CC2D2B: variants seen among roughly 807,000 people sequenced by gnomAD.
The protein encoded by CC2D2B is protein CC2D2B.
A neutral mutation model predicts 161.2 loss-of-function variants in CC2D2B; 128 were observed. The observed-to-expected ratio is 0.79, with a 90% CI of 0.69 to 0.92. The LOEUF is 0.92. Ranked by LOEUF, CC2D2B falls within the 40% of genes least tolerant of loss-of-function variation. The pLI, the probability that CC2D2B is intolerant of heterozygous loss-of-function variation, is 0.00. For synonymous variants in CC2D2B, 391 were observed against 449.8 expected, an observed-to-expected ratio of 0.87 and a Z score of 1.65; for missense variants, 1,173 against 1,375.1, an observed-to-expected ratio of 0.85 and a Z score of 2.32.
chr10:96,019,133 T>A, intron 30 of CC2D2B, 70 bp from the exon 31 acceptor site: 1 of 1,298,628 alleles, frequency 7.7e-7, no homozygotes, highest in Non-Finnish European at 1.1e-6. Context: ...ATTAGAATCA[T>A]CACAGTATAA....
chr10:95,965,883 T>C lies in CC2D2B; in HGVS notation c.1251-13T>C. The C allele has an allele frequency of 9.4e-7, 1 of 1,068,544 alleles. No individual in the cohort carries two copies. The highest frequency in any genetic ancestry group is 1.2e-6 in the Non-Finnish European group (1 of 839,352). 66.2% of individuals were successfully genotyped at this position (1,068,544 alleles called of 1,614,324 possible). ...TATTTCTGCTTTCAATAATTCTGTT[T>C]ATTATTAATTAGGATTAAAATGAAT... On this transcript the variant is annotated splice_polypyrimidine_tract_variant and intron_variant, in intron 12 of 34. Coordinates refer to ENST00000646931, the MANE Select transcript of CC2D2B (RefSeq NM_001349008.3).
At position 95,972,134 on chromosome 10, in the gene CC2D2B, G is replaced by A; in HGVS notation, c.1713G>A (p.Glu571=). ...KLYIPLPNYT[E]LKGKTALQYV... The stretch of plus-strand genomic sequence containing the variant: ...ATATACCTTTACCTAACTACACAGA[G>A]CTGAAAGGCAAAACCGCTTTGCAAT... The change falls in exon 16 of 35, where the codon GAG becomes GAA. Residue 571 remains glutamate (E), a synonymous_variant. Coordinates refer to ENST00000646931, the MANE Select transcript of CC2D2B (RefSeq NM_001349008.3). The A allele has an allele frequency of 8.1e-7, 1 of 1,231,684 alleles. No homozygotes were observed. Among genetic ancestry groups the A allele is most frequent in the East Asian group, 3.2e-5 (1 of 31,702 alleles). 76.3% of individuals were successfully genotyped at this position (1,231,684 alleles called of 1,614,324 possible). A position where few individuals can be genotyped will look rare whatever the true frequency, so the allele number is the denominator to read the frequency against.
chr10:96,027,281 G>A lies in CC2D2B; in HGVS notation c.4017G>A (p.Gln1339=). The part of the protein sequence containing the change: ...RPKHPTHWNR[Q]CTFILRQILP... ...AACACCCAACACATTGGAATCGACA[G>A]TGTACTTTTATTTTGCGACAAATCC... The change falls in exon 34 of 35, where the codon CAG becomes CAA. Residue 1339 remains glutamine (Q), a synonymous_variant. Transcript: ENST00000646931. 2 of 1,551,312 alleles carry A rather than the reference G, an allele frequency of 1.3e-6. No homozygotes were observed. The highest frequency in any genetic ancestry group is 1.7e-6 in the Non-Finnish European group (2 of 1,146,780).
Position 95,927,268 on chromosome 10 carries a change from A to G in CC2D2B, c.272A>G (p.Glu91Gly). 1.9e-6 allele frequency: 3 copies of G among 1,550,946 alleles called. No individual in the cohort carries two copies. Among genetic ancestry groups the G allele is most frequent in the Non-Finnish European group, 2.6e-6 (3 of 1,146,020 alleles). The part of the protein sequence containing the change: ...LSPQTEVSLD[E>G]SLSFFILSGE... ...CCACAGACTGAAGTCTCATTGGATG[A>G]AAGTCTTTCATTTTTCATTCTGAGT... Residue 91 changes from glutamate to glycine, a missense_variant, in exon 6 of 35, where the codon GAA becomes GGA. Transcript: ENST00000646931.
chr10:96,003,049 T>G (rs1177969056), intron 24 of CC2D2B, among the ~76,000 whole-genome samples: 2 of 146,902 alleles, frequency 1.4e-5, no homozygotes, highest in Non-Finnish European at 3.0e-5. Context: ...TATATAGAAA[T>G]AAATAAACTA....
chr10:95,958,359 G>C (rs2076650436), intron 11 of CC2D2B, among the ~76,000 whole-genome samples: 2 of 152,124 alleles, frequency 1.3e-5, no homozygotes, highest in Non-Finnish European at 2.9e-5. Flanking sequence ...AAGTGTCATG[G>C]TGTGCACCTG....
intron 32 of CC2D2B, chr10:96,020,726 A>G (rs1409201961): frequency 6.6e-6 from 1 of 152,186 alleles, no homozygotes; most frequent in Admixed American, 6.5e-5. Flanking sequence ...AATCAAGTAA[A>G]TACAATTTAA....
chr10:95,984,325 G>C (rs955297685), intron 19 of CC2D2B, among the ~76,000 whole-genome samples: 20 of 152,092 alleles, frequency 1.3e-4, no homozygotes, highest in Admixed American at 1.2e-3. Context: ...TTTGCTACTT[G>C]GTGAGATTTG....
At chr10:95,912,277 G>T (rs953317553) in intron 2 of CC2D2B, among the ~76,000 whole-genome samples, 14 of 152,092 alleles carry the variant, frequency 9.2e-5, no homozygotes, top group African/African-American at 1.9e-4. Context: ...GTTTAACATT[G>T]CTAGAATAGT....
At chr10:95,958,314 A>C (rs1281835921) in intron 11 of CC2D2B, among the ~76,000 whole-genome samples, 5 of 152,150 alleles carry the variant, frequency 3.3e-5, no homozygotes, top group African/African-American at 7.2e-5. Flanking sequence ...TAACATGGTG[A>C]AACCCCAACT....
chr10:96,016,134 A>C lies in CC2D2B; in HGVS notation c.3517-67A>C. The stretch of plus-strand genomic sequence containing the variant: ...AGTACAGGTGCTCCGCATCAGTTGG[A>C]TGCTTGCGTTACTCAACTTTCCCGC... On this transcript the variant is annotated intron_variant, in intron 29 of 34. Coordinates refer to ENST00000646931, the MANE Select transcript of CC2D2B (RefSeq NM_001349008.3). The C allele has an allele frequency of 3.1e-6, 3 of 977,124 alleles. No homozygotes were observed. In the South Asian group the frequency reaches 4.1e-5, roughly 13 times the overall value. 60.5% of individuals were successfully genotyped at this position (977,124 alleles called of 1,614,324 possible).
Position 95,938,133 on chromosome 10 carries a change from A to G in CC2D2B, c.479A>G (p.Asp160Gly). 1 of 1,550,514 alleles carries G rather than the reference A, an allele frequency of 6.4e-7. No homozygotes were observed. The change falls in exon 7 of 35, where the codon GAT (aspartate) becomes GGT (glycine). Residue 160 changes from aspartate (D) to glycine (G), a missense_variant. By Grantham distance (94) the Asp-to-Gly change is moderately conservative. Around this residue, in one of 3 missense-constraint regions of CC2D2B, gnomAD observed 298 missense variants for 261.2 expected, o/e 1.14. Transcript: ENST00000646931. ...GTAAAAGCTGCTGACTATGAAGATG[A>G]TCAAGAACAAATAAAAAAACAGAAG... ...LKVKAADYEDDQEQIKKQKAN... is the reference protein window; with the variant it reads ...LKVKAADYEDGQEQIKKQKAN...
At position 96,004,172 on chromosome 10, in the gene CC2D2B, G is replaced by A; in HGVS notation, c.2870G>A (p.Ser957Asn). 1 of 1,545,170 alleles carries A rather than the reference G, an allele frequency of 6.5e-7. No homozygotes were observed. The highest frequency in any genetic ancestry group is 8.7e-7 in the Non-Finnish European group (1 of 1,148,942). Residue 957 changes from serine (S) to asparagine (N), a missense_variant, in exon 25 of 35, where the codon AGC becomes AAC. Ser to Asn is a conservative substitution (Grantham distance 46, BLOSUM62 1). Coordinates refer to ENST00000646931, the MANE Select transcript of CC2D2B (RefSeq NM_001349008.3). The stretch of plus-strand genomic sequence containing the variant: ...TGCAGCTCACCAGGACATGATTATA[G>A]CTTCTCAAGCTTATCTAAAATAAAA... ...VDFVSPGHDY[S>N]FSSLSKIKDN...
At chr10:95,953,304 G>T (rs2076464719) in intron 10 of CC2D2B, among the ~76,000 whole-genome samples, 1 of 152,084 alleles carries the variant, frequency 6.6e-6, no homozygotes, top group African/African-American at 2.4e-5. Context: ...CTGGGCTCAA[G>T]TGATGCTCTC....
intron 20 of CC2D2B, 99 bp downstream of exon 20, chr10:95,988,441 G>A (rs946529443): frequency 3.5e-5 from 16 of 454,484 alleles, no homozygotes; most frequent in African/African-American, 2.6e-4. Context: ...TCAGATGGAC[G>A]AATCCACTCA....
chr10:95,999,034 T>G (rs1426819693), intron 24 of CC2D2B, among the ~76,000 whole-genome samples: 1 of 151,826 alleles, frequency 6.6e-6, no homozygotes, highest in Non-Finnish European at 1.5e-5. Flanking sequence ...TGAACAGAGA[T>G]CGCGCCACTG....
chr10:95,949,645 C>T (rs1278250281), intron 9 of CC2D2B, among the ~76,000 whole-genome samples: 1 of 104,314 alleles, frequency 9.6e-6, no homozygotes, highest in African/African-American at 4.2e-5. Context: ...TACCCTAAAA[C>T]TTAGAGTATA....
rs149932129 is a variant in CC2D2B at position 95,936,350 on chromosome 10, G to A, written c.337-1641G>A. Reference sequence around the variant, plus strand: ...TTGTAAGAGGCTGAGTTTGAGTGTGGCACCTTCCTGCTGGGAGAAAGGGGA... The same window carrying A: ...TTGTAAGAGGCTGAGTTTGAGTGTGACACCTTCCTGCTGGGAGAAAGGGGA... On this transcript the variant is annotated intron_variant, in intron 6 of 34. Transcript: ENST00000646931. Among the ~76,000 whole-genome samples, 3 of 152,300 alleles carry A rather than the reference G, an allele frequency of 2.0e-5. No individual in the cohort carries two copies. The East Asian group carries it at 5.8e-4, about 29-fold the overall frequency.
Position 95,974,209 on chromosome 10 carries a change from A to T in CC2D2B, c.1943+53A>T, listed in dbSNP as rs2077237852. The T allele has an allele frequency of 3.9e-6, 4 of 1,012,664 alleles. No individual in the cohort carries two copies. The South Asian group carries it at 1.5e-4, about 39-fold the overall frequency. The allele number at this position is 1,012,664 out of a possible 1,614,324, so 62.7% of individuals were successfully genotyped here. A position where few individuals can be genotyped will look rare whatever the true frequency, so the allele number is the denominator to read the frequency against. ...ATGCCAGGTCTCAGCAAAGCATCAC[A>T]CAAAACATATTATGTGTAAAAGAGA... On this transcript the variant is annotated intron_variant, in intron 17 of 34. Transcript: ENST00000646931.
Sources: gnomAD v4.1 joint callset for allele counts (sites outside exome capture counted in the v4.1 genomes callset) on GRCh38, gnomAD v4.1.1 for gene constraint, gnomAD v4.1.1 regional missense constraint, MANE v1.5 for transcripts, NCBI Gene and HGNC (gene_info 2026-07-23, HGNC 2026-07-21) for gene names.